The following PCDHGB2 variants were observed in gnomAD, a reference collection of about 807,000 sequenced individuals.
The protein encoded by PCDHGB2 is protocadherin gamma subfamily B, 2.
In PCDHGB2, 55 loss-of-function variants were observed where a neutral mutation model predicts 59.3. The observed-to-expected ratio is 0.93, with a 90% CI of 0.75 to 1.16. The LOEUF (loss-of-function observed/expected upper bound fraction) is 1.16. Ranked by LOEUF, PCDHGB2 falls within the 50% of genes most tolerant of loss-of-function variation. The pLI, the probability that PCDHGB2 is intolerant of heterozygous loss-of-function variation, is 0.00. For synonymous variants in PCDHGB2, 516 were observed against 512.0 expected (o/e 1.01, Z -0.11); for missense variants, 1,228 against 1,198.5 (o/e 1.02, Z -0.36).
At chr5:141,371,295 C>G (rs1362756223) in intron 1 of PCDHGB2, 3 of 1,613,880 alleles carry the variant, frequency 1.9e-6, no homozygotes, top group Non-Finnish European at 2.5e-6. Context: ...AACGGGGGAA[C>G]TCACCACTAT....
At chr5:141,504,364 G>A (rs764741297) in intron 2 of PCDHGB2, among the ~76,000 whole-genome samples, 2 of 152,116 alleles carry the variant, frequency 1.3e-5, no homozygotes, top group African/African-American at 2.4e-5. Flanking sequence ...GCTTCAGTAG[G>A]AAGCAGGTGG....
chr5:141,410,628 T>G (rs758174899), intron 1 of PCDHGB2: 1 of 1,602,040 alleles, frequency 6.2e-7, no homozygotes, highest in South Asian at 1.1e-5. Context: ...TCGGTGAGTT[T>G]CTCTTTTTTG....
At chr5:141,494,736 T>C in intron 1 of PCDHGB2, 71 bp from the exon 2 acceptor site, 1 of 1,611,858 alleles carries the variant, frequency 6.2e-7, no homozygotes, top group Non-Finnish European at 8.5e-7. Context: ...TCCCGGCCCA[T>C]CCCTAGGGGC....
intron 1 of PCDHGB2, chr5:141,478,028 G>A (rs2099428840): frequency 6.2e-7 from 1 of 1,614,060 alleles, no homozygotes; most frequent in South Asian, 1.1e-5. Flanking sequence ...CCAAGACACA[G>A]ATTCACCCAG....
intron 1 of PCDHGB2, among the ~76,000 whole-genome samples, chr5:141,381,823 CTTCTT>C (rs1323470445): frequency 1.5e-4 from 15 of 101,616 alleles, no homozygotes; most frequent in African/African-American, 5.6e-4. Context: ...TTTCTTTCTT[CTTCTT>C]TTTTTTTTTT....
At chr5:141,470,306 T>C (rs2099227644) in intron 1 of PCDHGB2, among the ~76,000 whole-genome samples, 1 of 152,222 alleles carries the variant, frequency 6.6e-6, no homozygotes, top group South Asian at 2.1e-4. Flanking sequence ...TTATTCCATT[T>C]TTCCTCAAAT....
chr5:141,470,130 A>G (rs915991313), intron 1 of PCDHGB2, among the ~76,000 whole-genome samples: 4 of 151,534 alleles, frequency 2.6e-5, no homozygotes, highest in African/African-American at 4.9e-5. Flanking sequence ...CTTCGTCTCA[A>G]AAAAAAAGAT....
Position 141,511,207 on chromosome 5 carries a change from T to A in PCDHGB2, c.*34T>A, listed in dbSNP as rs773761839. ...CCAGGCCAAGAGCCACAGGGCGGCC[T>A]CTCCCCAACCAGCCCAGCTTCTCCT... On this transcript the variant is annotated 3_prime_UTR_variant, in exon 4 of 4. Transcript: ENST00000522605. 1 of 1,611,162 alleles carries A rather than the reference T, an allele frequency of 6.2e-7. No individual in the cohort carries two copies. The highest frequency in any genetic ancestry group is 1.1e-5 in the South Asian group (1 of 90,702).
Position 141,476,708 on chromosome 5 carries a change from T to C in PCDHGB2, c.2422-18099T>C, listed in dbSNP as rs1205987380. The C allele has an allele frequency of 1.2e-6, 2 of 1,614,150 alleles. No homozygotes were observed. The highest frequency in any genetic ancestry group is 8.5e-7 in the Non-Finnish European group (1 of 1,180,024). ...CAGCACCAAGTACGCGGAGCTGGTG[T>C]TGGAGCGCGCCCTGGACCGAGAACG... On this transcript the variant is annotated intron_variant, in intron 1 of 3. Coordinates refer to ENST00000522605, the MANE Select transcript of PCDHGB2 (RefSeq NM_018923.3). The surrounding 1 kb of genome is among the most constrained non-coding windows in gnomAD (Gnocchi z 7.6).
At position 141,383,329 on chromosome 5, in the gene PCDHGB2, G is replaced by A. The variant is rs143729030; in HGVS notation, c.2421+20773G>A. 347 of 1,613,980 alleles carry A rather than the reference G, an allele frequency of 2.1e-4. 3 individuals are homozygous for A. The East Asian group carries it at 5.6e-3, about 26-fold the overall frequency. On this transcript the variant is annotated intron_variant, in intron 1 of 3. Transcript: ENST00000522605. ...GGAAGAAATAAATGTAAAAATAATG[G>A]AGAATACAGCTCCTGGGGTTCGGTT...
intron 1 of PCDHGB2, among the ~76,000 whole-genome samples, chr5:141,369,416 C>T (rs1766232805): frequency 6.6e-6 from 1 of 152,038 alleles, no homozygotes; most frequent in Non-Finnish European, 1.5e-5. Flanking sequence ...ACTATAATCC[C>T]AGCAATTTGG....
chr5:141,507,365 C>G (rs1279257057), intron 3 of PCDHGB2: 1 of 152,092 alleles, frequency 6.6e-6, no homozygotes, highest in African/African-American at 2.4e-5. Context: ...ACTGGGAGCC[C>G]TGTACTTTTA....
intron 1 of PCDHGB2, among the ~76,000 whole-genome samples, chr5:141,482,800 G>A (rs10052648): frequency 7.6e-6 from 1 of 130,764 alleles, no homozygotes; most frequent in South Asian, 2.2e-4. Flanking sequence ...GGCCGGGTAC[G>A]GTGGCTCATG....
intron 1 of PCDHGB2, chr5:141,407,930 C>G: frequency 2.0e-6 from 1 of 498,998 alleles, no homozygotes. Context: ...CGCACGGAGC[C>G]TCTGGGCGCC....
intron 1 of PCDHGB2, among the ~76,000 whole-genome samples, chr5:141,455,322 G>A (rs376682363): frequency 1.3e-5 from 2 of 152,134 alleles, no homozygotes; most frequent in East Asian, 3.9e-4. Context: ...TTTTGTGTGT[G>A]TGTTTGTGGT....
At position 141,490,857 on chromosome 5, in the gene PCDHGB2, C is replaced by G; in HGVS notation, c.2422-3950C>G. 6.2e-7 allele frequency: 1 copy of G among 1,613,832 alleles called. No homozygotes were observed. Among genetic ancestry groups the G allele is most frequent in the Admixed American group, 1.7e-5 (1 of 60,012 alleles). On this transcript the variant is annotated intron_variant, in intron 1 of 3. Coordinates refer to ENST00000522605, the MANE Select transcript of PCDHGB2 (RefSeq NM_018923.3). The surrounding 1 kb of genome is among the most constrained non-coding windows in gnomAD (Gnocchi z 5.4). ...AGATTGTGGTGGGGGTTCGAGACTCCGGCTCTCCCCCATTGCATGCCAACA... is the reference window on the plus strand; with the variant it reads ...AGATTGTGGTGGGGGTTCGAGACTCGGGCTCTCCCCCATTGCATGCCAACA...
At chr5:141,406,421 A>G (rs981815055) in intron 1 of PCDHGB2, among the ~76,000 whole-genome samples, 2 of 152,222 alleles carry the variant, frequency 1.3e-5, no homozygotes, top group East Asian at 1.9e-4. Flanking sequence ...GAAAGCCCAG[A>G]TTTATTGCTT....
At position 141,511,260 on chromosome 5, in the gene PCDHGB2, G is replaced by A; in HGVS notation, c.*87G>A. 6.4e-7 allele frequency: 1 copy of A among 1,558,596 alleles called. No individual in the cohort carries two copies. Among genetic ancestry groups the A allele is most frequent in the Non-Finnish European group, 8.7e-7 (1 of 1,151,758 alleles). On this transcript the variant is annotated 3_prime_UTR_variant, in exon 4 of 4. Transcript: ENST00000522605. ...CCTGCACCCAGGCCTCAGAGTTTCA[G>A]GGCTAACCCCCAGAATACTGGTAGG...
At chr5:141,481,390 G>A (rs553179819) in intron 1 of PCDHGB2, among the ~76,000 whole-genome samples, 2 of 152,346 alleles carry the variant, frequency 1.3e-5, no homozygotes, top group East Asian at 3.9e-4. Context: ...TTGGAGGGAT[G>A]TGACAAAATT....
Sources: gnomAD v4.1 joint callset for allele counts (sites outside exome capture counted in the v4.1 genomes callset) on GRCh38, gnomAD v4.1.1 for gene constraint, Gnocchi (gnomAD v3.1) non-coding constraint, MANE v1.5 for transcripts, NCBI Gene and HGNC (gene_info 2026-07-23, HGNC 2026-07-21) for gene names.